The following RAP1B variants were observed in gnomAD, a reference collection of about 807,000 sequenced individuals.
The protein encoded by RAP1B is RAP1B, member of RAS oncogene family.
RAP1B carries 1 observed loss-of-function variant against 27.5 expected under a neutral mutation model. The observed-to-expected ratio is 0.04, with a 90% CI of 0.01 to 0.17. The LOEUF is 0.17. Among genes scored for constraint, RAP1B ranks in the 10% least tolerant of loss-of-function variants. The pLI, the probability that RAP1B is intolerant of heterozygous loss-of-function variation, is 1.00. For synonymous variants in RAP1B, 75 were observed against 73.1 expected (o/e 1.03, Z -0.13); for missense variants, 84 against 214.8 (o/e 0.39, Z 3.81).
intron 6 of RAP1B, 52 bp from the exon 7 acceptor site, chr12:68,657,049 G>A: frequency 7.2e-7 from 1 of 1,387,242 alleles, no homozygotes. Context: ...TTTTTTCATT[G>A]GGGGGGATAG....
intron 1 of RAP1B, among the ~76,000 whole-genome samples, chr12:68,618,604 C>T (rs1232664560): frequency 2.0e-5 from 3 of 152,060 alleles, no homozygotes; most frequent in Admixed American, 6.6e-5. Context: ...CATTCTTTGC[C>T]GTTTTCTTTG....
intron 3 of RAP1B, 58 bp from the exon 4 acceptor site, chr12:68,651,937 A>G: frequency 7.3e-7 from 1 of 1,366,268 alleles, no homozygotes; most frequent in Non-Finnish European, 1.0e-6. Context: ...TTTTGTGTAT[A>G]TTAAGGTAGT....
chr12:68,659,187 C>T (rs984230005), intron 7 of RAP1B, 93 bp from the exon 8 acceptor site: 8 of 448,272 alleles, frequency 1.8e-5, no homozygotes, highest in Non-Finnish European at 3.1e-5. Flanking sequence ...ATATTCATTT[C>T]TAACACTTTT....
chr12:68,623,519 T>C (rs1871528454), intron 1 of RAP1B, among the ~76,000 whole-genome samples: 1 of 152,226 alleles, frequency 6.6e-6, no homozygotes, highest in Non-Finnish European at 1.5e-5. Flanking sequence ...GAGGAAAGAT[T>C]TGTTTTAGAT....
At chr12:68,618,060 G>T (rs894060856) in intron 1 of RAP1B, among the ~76,000 whole-genome samples, 23 of 136,468 alleles carry the variant, frequency 1.7e-4, no homozygotes, top group Non-Finnish European at 3.1e-4. Context: ...ACCATACCCA[G>T]CTGTATTAGT....
intron 1 of RAP1B, among the ~76,000 whole-genome samples, chr12:68,625,920 CA>C (rs770271886): frequency 0.086 from 10,105 of 116,872 alleles, 975 homozygotes; most frequent in African/African-American, 0.27. Flanking sequence ...GACTCTGTCT[CA>C]AAAAAAAAAA....
rs1875050115 is a variant in RAP1B, at chr12:68,670,636, T to C, written c.*11387T>C. Reference sequence around the variant, plus strand: ...AATCCATCACAAAGCTGAAAAATTATAAGTAAAACTGTAAGTCACAGACTG... The same window carrying C: ...AATCCATCACAAAGCTGAAAAATTACAAGTAAAACTGTAAGTCACAGACTG... On this transcript the variant is annotated 3_prime_UTR_variant, in exon 8 of 8. Coordinates refer to ENST00000250559, the MANE Select transcript of RAP1B (RefSeq NM_001010942.3). The C allele has an allele frequency of 6.6e-6, 1 of 152,200 alleles. No individual in the cohort carries two copies. Among genetic ancestry groups the C allele is most frequent in the African/African-American group, 2.4e-5 (1 of 41,452 alleles). The allele number at this position is 152,200 out of a possible 1,614,324, so 9.4% of individuals were successfully genotyped here. A position where few individuals can be genotyped will look rare whatever the true frequency, so the allele number is the denominator to read the frequency against.
At chr12:68,627,347 A>G (rs1170842604) in intron 1 of RAP1B, 18 of 731,540 alleles carry the variant, frequency 2.5e-5, no homozygotes, top group East Asian at 1.7e-4. Context: ...CCATGAGGAA[A>G]GGAACTCAGT....
In RAP1B at chr12:68,671,247, A is replaced by T. The variant is rs1875083264; in HGVS notation, c.*11998A>T. 6.6e-6 allele frequency: 1 copy of T among 152,170 alleles called. No homozygotes were observed. Among genetic ancestry groups the T allele is most frequent in the Non-Finnish European group, 1.5e-5 (1 of 68,034 alleles). 9.4% of individuals were successfully genotyped at this position (152,170 alleles called of 1,614,324 possible). A position where few individuals can be genotyped will look rare whatever the true frequency, so the allele number is the denominator to read the frequency against. On this transcript the variant is annotated 3_prime_UTR_variant, in exon 8 of 8. Coordinates refer to ENST00000250559, the MANE Select transcript of RAP1B (RefSeq NM_001010942.3). The stretch of plus-strand genomic sequence containing the variant: ...TCCCAGAAGAGAGGTAAAGGGCAAG[A>T]AATGAATCATTTATTGCTGATGGAA...
At chr12:68,613,535 T>C (rs1217001241) in intron 1 of RAP1B, among the ~76,000 whole-genome samples, 1 of 152,230 alleles carries the variant, frequency 6.6e-6, no homozygotes, top group African/African-American at 2.4e-5. Context: ...TTTTATATTA[T>C]TTATTCCATT....
intron 6 of RAP1B, among the ~76,000 whole-genome samples, chr12:68,656,817 G>A (rs1423374849): frequency 6.6e-6 from 1 of 152,112 alleles, no homozygotes; most frequent in Non-Finnish European, 1.5e-5. Context: ...AAAACTTACA[G>A]TTTTTAAAAG....
intron 5 of RAP1B, among the ~76,000 whole-genome samples, chr12:68,654,780 C>T (rs1419401805): frequency 1.3e-5 from 2 of 152,134 alleles, no homozygotes; most frequent in African/African-American, 2.4e-5. Flanking sequence ...TAGATTCTAA[C>T]ATTATTAATT....
At chr12:68,648,891 T>C (rs911848380) in intron 2 of RAP1B, 110 bp downstream of exon 2, 12 of 941,496 alleles carry the variant, frequency 1.3e-5, no homozygotes, top group African/African-American at 3.4e-5. Context: ...TTAATGACTT[T>C]AGAAGCAATA....
intron 1 of RAP1B, among the ~76,000 whole-genome samples, chr12:68,636,587 C>T (rs539444517): frequency 9.2e-5 from 14 of 152,270 alleles, no homozygotes; most frequent in East Asian, 5.8e-4. Context: ...ACCACCACAC[C>T]CAGCTACTTT....
At chr12:68,623,798 G>A (rs989989957) in intron 1 of RAP1B, among the ~76,000 whole-genome samples, 1 of 152,152 alleles carries the variant, frequency 6.6e-6, no homozygotes, top group Non-Finnish European at 1.5e-5. Flanking sequence ...CAAGGTGGGT[G>A]GATCACGAGG....
chr12:68,637,126 AGTC>A (rs1489635853), intron 1 of RAP1B, among the ~76,000 whole-genome samples: 2 of 152,252 alleles, frequency 1.3e-5, no homozygotes, highest in Admixed American at 6.5e-5. Flanking sequence ...ATGAATTATT[AGTC>A]TTTATTCAGC....
At chr12:68,626,763 T>C (rs1871811637) in intron 1 of RAP1B, 2 of 1,142,016 alleles carry the variant, frequency 1.8e-6, no homozygotes, top group Non-Finnish European at 2.5e-6. Context: ...AGTATCAGAA[T>C]TTTCCAGGGT....
chr12:68,654,579 G>A (rs370198062), intron 5 of RAP1B, among the ~76,000 whole-genome samples: 1 of 151,274 alleles, frequency 6.6e-6, no homozygotes, highest in Non-Finnish European at 1.5e-5. Context: ...CCGGGTTCAC[G>A]CCATTCTCCT....
intron 6 of RAP1B, 145 bp from the exon 7 acceptor site, chr12:68,656,956 C>T: frequency 1.4e-6 from 1 of 717,858 alleles, no homozygotes; most frequent in Non-Finnish European, 2.3e-6. Context: ...GCAGTTATAA[C>T]ACCTGATTTT....
Sources: gnomAD v4.1 joint callset for allele counts (sites outside exome capture counted in the v4.1 genomes callset) on GRCh38, gnomAD v4.1.1 for gene constraint, MANE v1.5 for transcripts, NCBI Gene and HGNC (gene_info 2026-07-23, HGNC 2026-07-21) for gene names.